Variants in OR4Q3 observed in about 807,000 individuals in gnomAD.
OR4Q3 encodes olfactory receptor family 4 subfamily Q member 3.
A neutral mutation model predicts 18.8 loss-of-function variants in OR4Q3; 17 were observed. The ratio of observed to expected loss-of-function variants is 0.91; its 90% CI spans 0.62 to 1.36. OR4Q3 has a LOEUF of 1.36. Ranked by LOEUF, OR4Q3 falls within the 40% of genes most tolerant of loss-of-function variation. The pLI is 0.00. For synonymous variants in OR4Q3, 158 were observed against 145.8 expected (o/e 1.08, Z -0.60); for missense variants, 378 against 373.4 (o/e 1.01, Z -0.10).
chr14:19,745,322 C>G, intron 1 of OR4Q3, among the ~76,000 whole-genome samples: 3 of 152,152 alleles, frequency 2.0e-5, no homozygotes, highest in Non-Finnish European at 4.4e-5. Flanking sequence ...ATATTCTTCC[C>G]TTATTTAATC....
At chr14:19,744,282 C>A (rs1159305804) in intron 1 of OR4Q3, among the ~76,000 whole-genome samples, 2 of 152,076 alleles carry the variant, frequency 1.3e-5, no homozygotes, top group African/African-American at 4.8e-5. Flanking sequence ...TCCAGCTAGC[C>A]AATCATTTTC....
At chr14:19,749,053 GT>G in exon 2 of OR4Q3, 3 of 152,636 alleles carry the variant, frequency 2.0e-5, no homozygotes, top group East Asian at 3.9e-4. Flanking sequence ...GAGGTACCTA[GT>G]TTCACACTGA....
At chr14:19,750,705 ATATG>A, downstream of OR4Q3, among the ~76,000 whole-genome samples, 1 of 152,232 alleles carries the variant, frequency 6.6e-6, no homozygotes, top group Non-Finnish European at 1.5e-5. Flanking sequence ...GAAGCCATAT[ATATG>A]TATGTGTATA....
downstream of OR4Q3, among the ~76,000 whole-genome samples, chr14:19,749,850 CTTT>C: frequency 2.3e-3 from 4 of 1,766 alleles, no homozygotes; most frequent in East Asian, 0.026. Flanking sequence ...CAGATTACTT[CTTT>C]CTTTCTTTCT....
downstream of OR4Q3, among the ~76,000 whole-genome samples, chr14:19,750,665 T>C: frequency 1.3e-5 from 2 of 152,350 alleles, no homozygotes; most frequent in African/African-American, 4.8e-5. Context: ...TTTTTATTTT[T>C]GTGTTGGGAG....
chr14:19,751,870 C>T, downstream of OR4Q3, among the ~76,000 whole-genome samples: 57 of 152,118 alleles, frequency 3.7e-4, no homozygotes, highest in African/African-American at 1.2e-3. Context: ...GATTTTTGCA[C>T]CTCAATTTCA....
chr14:19,751,022 A>G, downstream of OR4Q3, among the ~76,000 whole-genome samples: 6 of 152,380 alleles, frequency 3.9e-5, no homozygotes, highest in South Asian at 2.1e-4. Context: ...TTTCAAGGAC[A>G]TAGAGCTCCA....
At chr14:19,745,842 A>G in intron 1 of OR4Q3, among the ~76,000 whole-genome samples, 1 of 152,174 alleles carries the variant, frequency 6.6e-6, no homozygotes, top group Non-Finnish European at 1.5e-5. Context: ...TTATTTTCCA[A>G]TTGACTCTAG....
downstream of OR4Q3, among the ~76,000 whole-genome samples, chr14:19,752,122 T>C: frequency 6.6e-6 from 1 of 152,180 alleles, no homozygotes; most frequent in Non-Finnish European, 1.5e-5. Flanking sequence ...GGAAAAAAAT[T>C]AGCTAAGTCC....
chr14:19,748,110 C>G, exon 2 of OR4Q3: 28 of 1,614,088 alleles, frequency 1.7e-5, no homozygotes, highest in Non-Finnish European at 2.4e-5. Flanking sequence ...ACCCTGAGAA[C>G]ACACTTCTGC....
At chr14:19,744,728 G>T (rs945399894) in intron 1 of OR4Q3, among the ~76,000 whole-genome samples, 2 of 152,136 alleles carry the variant, frequency 1.3e-5, no homozygotes, top group African/African-American at 4.8e-5. Flanking sequence ...TCATCTTACT[G>T]CTAATGGGAT....
chr14:19,747,765 T>A, exon 2 of OR4Q3: 3 of 1,614,030 alleles, frequency 1.9e-6, no homozygotes, highest in Non-Finnish European at 2.5e-6. Flanking sequence ...GCCAGTGAGA[T>A]GTTTTTGCTG....
intron 1 of OR4Q3, among the ~76,000 whole-genome samples, chr14:19,745,437 A>G: frequency 1.3e-5 from 2 of 152,290 alleles, no homozygotes; most frequent in African/African-American, 4.8e-5. Flanking sequence ...CACCTTTGGT[A>G]TACTATGCCT....
At chr14:19,748,104 T>C in exon 2 of OR4Q3, 3 of 1,614,080 alleles carry the variant, frequency 1.9e-6, no homozygotes, top group South Asian at 1.1e-5. Flanking sequence ...CTGATCACCC[T>C]GAGAACACAC....
chr14:19,747,810 G>C, exon 2 of OR4Q3: 1 of 1,614,046 alleles, frequency 6.2e-7, no homozygotes, highest in Non-Finnish European at 8.5e-7. Flanking sequence ...GTTGCCATCT[G>C]TAACCCTTTG....
Position 19,747,853 on chromosome 14 carries a change from C to A in OR4Q3, c.450C>A (p.Cys150Ter). The A allele has an allele frequency of 2.1e-5, 34 of 1,613,994 alleles. No individual in the cohort carries two copies. Among genetic ancestry groups the A allele is most frequent in the Admixed American group, 3.3e-5 (2 of 59,992 alleles). The stretch of plus-strand genomic sequence containing the variant: ...TTACAGTCATGAACCCCCAGCTATG[C>A]CTTTGGTTGGTTCTTGCCTGCTGGT... Residue 150 changes from cysteine (C) to a stop codon, truncating the protein, a stop_gained, in exon 2 of 2, where the codon TGC becomes TGA. Coordinates refer to ENST00000642117, the Ensembl canonical transcript of OR4Q3. LOFTEE classifies it high-confidence loss of function.
intron 1 of OR4Q3, among the ~76,000 whole-genome samples, chr14:19,745,043 T>TA: frequency 0.15 from 21,648 of 148,970 alleles, 795 homozygotes; most frequent in South Asian, 0.23. Context: ...TTATTGTCAT[T>TA]AAAAAAATCC....
At chr14:19,748,401 C>T in exon 2 of OR4Q3, 212,261 of 1,453,416 alleles carry the variant, frequency 0.15, 7,057 homozygotes, top group South Asian at 0.24. Flanking sequence ...TTGAAAAACA[C>T]ACTCTTTCTT....
In OR4Q3 at chr14:19,747,945, A is replaced by G; in HGVS notation, c.542A>G (p.Asn181Ser). ...ATCCAGCTGCCTTTCTGTGGGCCCA[A>G]TGAACTGGACAACTTCTACTGTGAT... The change falls in exon 2 of 2, where the codon AAT (asparagine) becomes AGT (serine). Residue 181 changes from asparagine (N) to serine (S), a missense_variant. Coordinates refer to ENST00000642117, the Ensembl canonical transcript of OR4Q3. The G allele has an allele frequency of 5.6e-6, 9 of 1,613,950 alleles. No individual in the cohort carries two copies. In the African/African-American group the frequency reaches 6.7e-5, roughly 12 times the overall value.
Sources: gnomAD v4.1 joint callset for allele counts (sites outside exome capture counted in the v4.1 genomes callset) on GRCh38, gnomAD v4.1.1 for gene constraint, MANE v1.5 for transcripts, NCBI Gene and HGNC (gene_info 2026-07-23, HGNC 2026-07-21) for gene names.